The following SPTLC3 variants were observed in gnomAD, a reference collection of about 807,000 sequenced individuals.
SPTLC3 encodes serine palmitoyltransferase long chain base subunit 3.
Under a neutral mutation model 59.3 loss-of-function variants are expected in SPTLC3, and 36 were observed. The observed-to-expected ratio is 0.61, with a 90% CI of 0.47 to 0.80. SPTLC3 has a LOEUF of 0.80. SPTLC3 is among the 30% of genes least tolerant of loss of function. The pLI is 0.00. For missense variants in SPTLC3, 625 were observed against 685.1 expected (o/e 0.91, Z 0.98); for synonymous variants, 257 against 240.8 (o/e 1.07, Z -0.62).
At chr20:13,126,804 T>C in intron 9 of SPTLC3, 87 bp downstream of exon 9, 1 of 1,508,574 alleles carries the variant, frequency 6.6e-7, no homozygotes, top group South Asian at 1.3e-5. Context: ...AATACACACC[T>C]TTATCTTATA....
At chr20:13,014,872 A>C (rs1985445801) in intron 1 of SPTLC3, among the ~76,000 whole-genome samples, 1 of 151,924 alleles carries the variant, frequency 6.6e-6, no homozygotes, top group African/African-American at 2.4e-5. Context: ...GACTTTCCAC[A>C]CATGGGCTGA....
At chr20:13,044,608 C>T (rs1311677070) in intron 1 of SPTLC3, among the ~76,000 whole-genome samples, 1 of 152,062 alleles carries the variant, frequency 6.6e-6, no homozygotes, top group East Asian at 1.9e-4. Flanking sequence ...CAGCATTATC[C>T]ATTCTAATAG....
chr20:13,105,421 TCTTG>T (rs1194733674), intron 6 of SPTLC3, among the ~76,000 whole-genome samples: 2 of 152,176 alleles, frequency 1.3e-5, no homozygotes, highest in Admixed American at 6.5e-5. Context: ...CTGGGATTCC[TCTTG>T]CTTCCCTCCG....
intron 4 of SPTLC3, chr20:13,079,893 C>A: frequency 2.6e-6 from 1 of 378,072 alleles, no homozygotes; most frequent in Non-Finnish European, 5.5e-6. Flanking sequence ...CCCAACCCAA[C>A]CACCTGCCAC....
intron 1 of SPTLC3, among the ~76,000 whole-genome samples, chr20:13,027,287 C>T (rs372795657): frequency 3.3e-5 from 5 of 152,190 alleles, no homozygotes; most frequent in African/African-American, 4.8e-5. Context: ...ATGATCCTTA[C>T]GTCTGTACGT....
At chr20:13,042,605 C>A (rs866205031) in intron 1 of SPTLC3, among the ~76,000 whole-genome samples, 1 of 152,214 alleles carries the variant, frequency 6.6e-6, no homozygotes, top group Admixed American at 6.5e-5. Flanking sequence ...CAAAACAGAA[C>A]TGAGAGTGAT....
chr20:13,080,510 C>CAAAAAAAA (rs1988803803), intron 4 of SPTLC3, among the ~76,000 whole-genome samples: 1 of 30,978 alleles, frequency 3.2e-5, no homozygotes. Context: ...CCATCCATCT[C>CAAAAAAAA]CAAAAAAAAA....
intron 4 of SPTLC3, among the ~76,000 whole-genome samples, chr20:13,081,062 A>G (rs1988826859): frequency 1.3e-5 from 2 of 152,206 alleles, no homozygotes; most frequent in African/African-American, 4.8e-5. Flanking sequence ...AAAGAAAGAA[A>G]CTGAAGCAAA....
At chr20:13,076,031 C>T (rs1158153697) in intron 4 of SPTLC3, among the ~76,000 whole-genome samples, 1 of 152,184 alleles carries the variant, frequency 6.6e-6, no homozygotes, top group Non-Finnish European at 1.5e-5. Flanking sequence ...CAAGTTCTTT[C>T]TCCTTCTGAA....
intron 5 of SPTLC3, 97 bp from the exon 6 acceptor site, chr20:13,093,387 T>A: frequency 1.9e-6 from 2 of 1,080,884 alleles, no homozygotes; most frequent in Non-Finnish European, 2.7e-6. Context: ...TTTTAGAAAT[T>A]GTGTTATAGG....
intron 1 of SPTLC3, among the ~76,000 whole-genome samples, chr20:13,022,829 C>A (rs756409458): frequency 6.6e-6 from 1 of 152,152 alleles, no homozygotes; most frequent in Non-Finnish European, 1.5e-5. Flanking sequence ...GAAATAAAAT[C>A]CAGAGATGTC....
chr20:13,099,940 A>C (rs1180390579), intron 6 of SPTLC3, among the ~76,000 whole-genome samples: 1 of 152,218 alleles, frequency 6.6e-6, no homozygotes, highest in Admixed American at 6.5e-5. Flanking sequence ...CCTGCACCAG[A>C]GCATTCTTAA....
At chr20:13,024,483 G>A (rs1253924733) in intron 1 of SPTLC3, among the ~76,000 whole-genome samples, 1 of 151,992 alleles carries the variant, frequency 6.6e-6, no homozygotes, top group African/African-American at 2.4e-5. Context: ...AAACCCTTCA[G>A]CATGCATACC....
chr20:13,029,479 CT>C (rs1474796443), intron 1 of SPTLC3, among the ~76,000 whole-genome samples: 1 of 152,030 alleles, frequency 6.6e-6, no homozygotes, highest in Non-Finnish European at 1.5e-5. Flanking sequence ...CAAGATTAGC[CT>C]TGCTCTGGGA....
At chr20:13,060,728 T>A (rs1987939713) in intron 2 of SPTLC3, among the ~76,000 whole-genome samples, 1 of 152,014 alleles carries the variant, frequency 6.6e-6, no homozygotes, top group Admixed American at 6.6e-5. Context: ...TGTGAGTTGT[T>A]TCACTTAAGA....
chr20:13,115,933 C>G (rs1326764865), intron 7 of SPTLC3, among the ~76,000 whole-genome samples: 1 of 152,166 alleles, frequency 6.6e-6, no homozygotes, highest in African/African-American at 2.4e-5. Flanking sequence ...GCTTAGGCAG[C>G]CAGATGGCCA....
intron 4 of SPTLC3, chr20:13,080,005 G>T: frequency 3.9e-6 from 1 of 255,170 alleles, no homozygotes; most frequent in Admixed American, 5.2e-5. Context: ...AACCTGAAGG[G>T]AAAAGATTCG....
In SPTLC3 at chr20:13,059,275, G is replaced by T. The variant is rs544954909; in HGVS notation, c.303+10145G>T. On this transcript the variant is annotated intron_variant, in intron 2 of 11. Transcript: ENST00000399002. ...GGTAAAGGCTGCTTAAACAAAAATG[G>T]AATTTGCTGTGTTAGTTCTTTCGCT... Among the ~76,000 whole-genome samples the T allele has an allele frequency of 6.6e-5, 10 of 152,272 alleles. 1 individual carries two copies. The highest frequency in any genetic ancestry group is 2.4e-4 in the African/African-American group (10 of 41,550).
chr20:13,036,573 C>T (rs909912262), intron 1 of SPTLC3, among the ~76,000 whole-genome samples: 3 of 152,004 alleles, frequency 2.0e-5, no homozygotes, highest in African/African-American at 7.2e-5. Context: ...GTAAGGCTTC[C>T]CATCAACAGT....
Sources: gnomAD v4.1 joint callset for allele counts (sites outside exome capture counted in the v4.1 genomes callset) on GRCh38, gnomAD v4.1.1 for gene constraint, MANE v1.5 for transcripts, NCBI Gene and HGNC (gene_info 2026-07-23, HGNC 2026-07-21) for gene names.